The following ASIP variants were observed in gnomAD, a reference collection of about 807,000 sequenced individuals.
The protein encoded by ASIP is agouti signaling protein.
Under a neutral mutation model 10.3 loss-of-function variants are expected in ASIP, and 11 were observed. The observed-to-expected ratio is 1.07, with a 90% confidence interval of 0.68 to 1.78. The LOEUF is 1.78. Among genes scored for constraint, ASIP ranks in the 40% most tolerant of loss-of-function variants. ASIP has a pLI of 0.00. For missense variants in ASIP, 180 were observed against 169.2 expected (o/e 1.06, Z -0.35); for synonymous variants, 70 against 70.8 (o/e 0.99, Z 0.06).
chr20:34,253,566 G>C (rs1424834696), intron 1 of ASIP, among the ~76,000 whole-genome samples: 2 of 151,646 alleles, frequency 1.3e-5, no homozygotes, highest in Non-Finnish European at 2.9e-5. Flanking sequence ...TCCGCCTCCC[G>C]GTTCAAGCGA....
upstream of ASIP, among the ~76,000 whole-genome samples, chr20:34,237,207 T>C (rs1202520527): frequency 6.6e-6 from 1 of 152,194 alleles, no homozygotes; most frequent in Non-Finnish European, 1.5e-5. Context: ...TTTTGGCTAT[T>C]TGGGGTCCTT....
chr20:34,249,217 C>T (rs1276205784), intron 1 of ASIP, among the ~76,000 whole-genome samples: 3 of 152,110 alleles, frequency 2.0e-5, no homozygotes, highest in African/African-American at 7.2e-5. Flanking sequence ...CCAGAAGTCA[C>T]ACAGGGAGCT....
rs941799252 is a variant in ASIP, at chr20:34,256,799, A to T, written c.-10-3566A>T. On this transcript the variant is annotated intron_variant, in intron 1 of 3. Transcript: ENST00000374954. ...GCTCATTTGTTTTTGTTTTTGAGATAGAGTCTCACTGTGTTGCCCAGGCTG... is the reference window on the plus strand; with the variant it reads ...GCTCATTTGTTTTTGTTTTTGAGATTGAGTCTCACTGTGTTGCCCAGGCTG... Among the ~76,000 whole-genome samples the T allele has an allele frequency of 2.0e-5, 3 of 152,246 alleles. No homozygotes were observed. The South Asian group carries it at 6.2e-4, about 32-fold the overall frequency.
Position 34,269,205 on chromosome 20 carries a change from G to C in ASIP, c.*38G>C. 6.9e-7 allele frequency: 1 copy of C among 1,448,946 alleles called. No individual in the cohort carries two copies. Among genetic ancestry groups the C allele is most frequent in the Non-Finnish European group, 9.1e-7 (1 of 1,104,224 alleles). 89.8% of individuals were successfully genotyped at this position (1,448,946 alleles called of 1,614,324 possible). ...CCGGCCGCGAGCAGGCAGGGCTTCG[G>C]GGACGCGGGGCGCTTCTCGGGCGGG... On this transcript the variant is annotated 3_prime_UTR_variant, in exon 4 of 4. Coordinates refer to ENST00000374954, the MANE Select transcript of ASIP (RefSeq NM_001672.3).
chr20:34,187,425 C>G, the ASIP span, among the ~76,000 whole-genome samples: 7 of 152,194 alleles, frequency 4.6e-5, no homozygotes, highest in African/African-American at 7.2e-5. Context: ...AATCAATCCC[C>G]TGCTCCAGGC....
At chr20:34,211,614 T>C (rs749933243) in intron 1 of ASIP, among the ~76,000 whole-genome samples, 32 of 152,240 alleles carry the variant, frequency 2.1e-4, no homozygotes, top group Admixed American at 1.5e-3. Flanking sequence ...TCAGGTATTA[T>C]TTGTCTGAAA....
chr20:34,214,535 C>G (rs2034994915), intron 1 of ASIP: 1 of 1,505,724 alleles, frequency 6.6e-7, no homozygotes, highest in Admixed American at 1.7e-5. Context: ...ACTTCAACTT[C>G]CATGAACCGT....
At chr20:34,246,350 A>T (rs1363484739) in intron 1 of ASIP, 2 of 1,522,414 alleles carry the variant, frequency 1.3e-6, no homozygotes, top group African/African-American at 1.4e-5. Context: ...AAATTTTGCA[A>T]GTTCATTTAG....
chr20:34,248,933 CATGGTAAA>C (rs1291129569), intron 1 of ASIP, among the ~76,000 whole-genome samples: 1 of 145,234 alleles, frequency 6.9e-6, no homozygotes, highest in Non-Finnish European at 1.5e-5. Flanking sequence ...GCCTGGGCAA[CATGGTAAA>C]ACCCCATCTC....
At chr20:34,236,768 T>G (rs537524740), upstream of ASIP, among the ~76,000 whole-genome samples, 5 of 152,362 alleles carry the variant, frequency 3.3e-5, no homozygotes, top group African/African-American at 1.2e-4. Flanking sequence ...TGAAGAATTT[T>G]GGGAAACTCT....
At chr20:34,223,589 G>T (rs1257969367) in intron 1 of ASIP, among the ~76,000 whole-genome samples, 3 of 145,774 alleles carry the variant, frequency 2.1e-5, no homozygotes, top group Admixed American at 1.3e-4. Flanking sequence ...CCTCCGGGAG[G>T]GAGGTGGGGG....
At chr20:34,236,536 ACT>A (rs1288792639), upstream of ASIP, among the ~76,000 whole-genome samples, 1 of 150,134 alleles carries the variant, frequency 6.7e-6, no homozygotes, top group Non-Finnish European at 1.5e-5. Flanking sequence ...AAGAGTGAAA[ACT>A]CTGTCTCAAA....
chr20:34,265,379 CT>C (rs1178366886), intron 3 of ASIP, among the ~76,000 whole-genome samples: 1 of 151,980 alleles, frequency 6.6e-6, no homozygotes, highest in Non-Finnish European at 1.5e-5. Flanking sequence ...AAAAAATTAA[CT>C]GGGTGTGGTG....
At chr20:34,192,599 T>G (rs1601565908), upstream of ASIP, among the ~76,000 whole-genome samples, 1 of 146,780 alleles carries the variant, frequency 6.8e-6, no homozygotes, top group Non-Finnish European at 1.5e-5. Context: ...GGATTGGGAG[T>G]GTGGAGGAAG....
chr20:34,234,869 C>A (rs1357841234), intron 1 of ASIP: 5 of 152,170 alleles, frequency 3.3e-5, no homozygotes, highest in Admixed American at 1.3e-4. Flanking sequence ...TCATGTTATA[C>A]CCACAGTATC....
Position 34,269,227 on chromosome 20 carries a change from C to A in ASIP, c.*60C>A, listed in dbSNP as rs2035845997. 6.3e-6 allele frequency: 9 copies of A among 1,431,814 alleles called. No individual in the cohort carries two copies. In the East Asian group the frequency reaches 8.0e-5, roughly 13 times the overall value. The allele number at this position is 1,431,814 out of a possible 1,614,324, so 88.7% of individuals were successfully genotyped here. A position where few individuals can be genotyped will look rare whatever the true frequency, so the allele number is the denominator to read the frequency against. Reference sequence around the variant, plus strand: ...TCGGGGACGCGGGGCGCTTCTCGGGCGGGTGATCCCTAACAGGGCGGCTTC... The same window carrying A: ...TCGGGGACGCGGGGCGCTTCTCGGGAGGGTGATCCCTAACAGGGCGGCTTC... On this transcript the variant is annotated 3_prime_UTR_variant, in exon 4 of 4. Coordinates refer to ENST00000374954, the MANE Select transcript of ASIP (RefSeq NM_001672.3).
At chr20:34,200,765 CT>C (rs1264455150) in intron 1 of ASIP, among the ~76,000 whole-genome samples, 1 of 152,154 alleles carries the variant, frequency 6.6e-6, no homozygotes, top group East Asian at 1.9e-4. Context: ...AGCTTTTGCC[CT>C]TAAGGTTTAA....
intron 1 of ASIP, among the ~76,000 whole-genome samples, chr20:34,206,088 G>A (rs909568695): frequency 3.3e-5 from 5 of 152,080 alleles, no homozygotes; most frequent in Non-Finnish European, 7.4e-5. Flanking sequence ...TGCCTCCCAG[G>A]TTCAAGCAAT....
At chr20:34,195,442 T>A (rs1227202998) in intron 1 of ASIP, among the ~76,000 whole-genome samples, 1 of 152,168 alleles carries the variant, frequency 6.6e-6, no homozygotes, top group Non-Finnish European at 1.5e-5. Flanking sequence ...CATCTGTGTC[T>A]CCTCTCCTCA....
Sources: allele counts gnomAD v4.1 joint callset (sites outside exome capture counted in the v4.1 genomes callset), GRCh38; gene constraint gnomAD v4.1.1; transcripts MANE v1.5; gene names NCBI Gene and HGNC (gene_info 2026-07-23, HGNC 2026-07-21).